The following RAB3IP variants were observed in gnomAD, a reference collection of about 807,000 sequenced individuals.
RAB3IP encodes RAB3A interacting protein, also known as rab-3A-interacting protein.
RAB3IP carries 36 observed loss-of-function variants against 59.1 expected under a neutral mutation model. The ratio of observed to expected loss-of-function variants is 0.61; its 90% CI spans 0.47 to 0.80. The LOEUF (loss-of-function observed/expected upper bound fraction) is 0.80. Ranked by LOEUF, RAB3IP falls within the 30% of genes least tolerant of loss-of-function variation. The probability of loss-of-function intolerance (pLI) is 0.00; values close to 1 mark genes in which losing one functional copy is unlikely to be tolerated. For synonymous variants in RAB3IP, 207 were observed against 191.2 expected, an observed-to-expected ratio of 1.08 and a Z score of -0.68; for missense variants, 511 against 536.0, an observed-to-expected ratio of 0.95 and a Z score of 0.46.
At chr12:69,770,138 T>C (rs775349578) in intron 3 of RAB3IP, among the ~76,000 whole-genome samples, 11 of 152,214 alleles carry the variant, frequency 7.2e-5, no homozygotes, top group Non-Finnish European at 1.5e-4. Flanking sequence ...AAGAACATTA[T>C]AGATTCATTA....
chr12:69,775,193 C>T (rs376725541), intron 3 of RAB3IP, among the ~76,000 whole-genome samples: 3 of 37,666 alleles, frequency 8.0e-5, no homozygotes, highest in Non-Finnish European at 1.0e-4. Flanking sequence ...GGGAGTTCAC[C>T]CATGATTTGG....
intron 1 of RAB3IP, among the ~76,000 whole-genome samples, chr12:69,744,988 T>A (rs997478764): frequency 1.3e-5 from 2 of 152,212 alleles, no homozygotes; most frequent in Non-Finnish European, 2.9e-5. Context: ...ATACAGTATT[T>A]GAATAAATTT....
chr12:69,786,448 A>G (rs1194793035), intron 4 of RAB3IP, among the ~76,000 whole-genome samples: 2 of 152,138 alleles, frequency 1.3e-5, no homozygotes, highest in Non-Finnish European at 2.9e-5. Flanking sequence ...GAGGAGAATA[A>G]ATTTAAGGAT....
chr12:69,748,052 G>T (rs1172532769), intron 1 of RAB3IP, among the ~76,000 whole-genome samples: 1 of 146,040 alleles, frequency 6.8e-6, no homozygotes, highest in African/African-American at 2.5e-5. Flanking sequence ...TATGAAAAAA[G>T]ATAAAAATCA....
chr12:69,815,924 A>G lies in RAB3IP; in HGVS notation c.*478A>G, dbSNP rs530686792. 1 of 152,774 alleles carries G rather than the reference A, an allele frequency of 6.5e-6. No homozygotes were observed. Among genetic ancestry groups the G allele is most frequent in the African/African-American group, 2.4e-5 (1 of 41,580 alleles). The allele number at this position is 152,774 out of a possible 1,614,324, so 9.5% of individuals were successfully genotyped here. A position where few individuals can be genotyped will look rare whatever the true frequency, so the allele number is the denominator to read the frequency against. On this transcript the variant is annotated 3_prime_UTR_variant, in exon 11 of 11. Coordinates refer to ENST00000247833, the MANE Select transcript of RAB3IP (RefSeq NM_022456.5). ...ATCTGTTTTCTATATTGGGTTTCAAAAAAGATTTTATTTGAAGAAATACTT... is the reference window on the plus strand; with the variant it reads ...ATCTGTTTTCTATATTGGGTTTCAAGAAAGATTTTATTTGAAGAAATACTT...
At chr12:69,796,863 A>G (rs1592583693) in intron 6 of RAB3IP, among the ~76,000 whole-genome samples, 1 of 152,344 alleles carries the variant, frequency 6.6e-6, no homozygotes, top group Non-Finnish European at 1.5e-5. Flanking sequence ...ATTTACACTA[A>G]CAAAATTATA....
intron 9 of RAB3IP, 37 bp downstream of exon 9, chr12:69,812,914 T>C (rs1200843683): frequency 6.2e-7 from 1 of 1,605,676 alleles, no homozygotes; most frequent in South Asian, 1.1e-5. Context: ...TAAAGCTTGC[T>C]TTGATATGGG....
upstream of RAB3IP, chr12:69,738,810 C>G (rs1886929126): frequency 6.6e-6 from 1 of 152,084 alleles, no homozygotes; most frequent in African/African-American, 2.4e-5. Context: ...CGCCCTCCCT[C>G]CGTGAGGACC....
Position 69,822,667 on chromosome 12 carries a change from T to A in RAB3IP, c.*7221T>A, listed in dbSNP as rs1485432901. On this transcript the variant is annotated 3_prime_UTR_variant, in exon 11 of 11. Coordinates refer to ENST00000247833, the MANE Select transcript of RAB3IP (RefSeq NM_022456.5). The stretch of plus-strand genomic sequence containing the variant: ...TATTGTATATTTCACAATAAAGGAG[T>A]GGATTTGGAATGTTCTCAACACAAA... 1 of 151,916 alleles carries A rather than the reference T, an allele frequency of 6.6e-6. No individual in the cohort carries two copies. The highest frequency in any genetic ancestry group is 1.5e-5 in the Non-Finnish European group (1 of 67,964). The allele number at this position is 151,916 out of a possible 1,614,324, so 9.4% of individuals were successfully genotyped here.
At chr12:69,806,993 A>G (rs1361742776) in intron 8 of RAB3IP, among the ~76,000 whole-genome samples, 1 of 152,192 alleles carries the variant, frequency 6.6e-6, no homozygotes, top group Admixed American at 6.5e-5. Context: ...AGACAGACAC[A>G]GTAACAATCT....
At position 69,756,683 on chromosome 12, in the gene RAB3IP, A is replaced by AT. The variant is rs1204244552; in HGVS notation, c.510+22dup. ...CAGAGGGTAAGAAAGAAGATATTTT[A>AT]TTCTTCCATATATTATATTAGAAAT... On this transcript the variant is annotated intron_variant, in intron 3 of 10. Transcript: ENST00000247833. The AT allele has an allele frequency of 1.9e-6, 3 of 1,588,558 alleles. No homozygotes were observed. The highest frequency in any genetic ancestry group is 8.6e-7 in the Non-Finnish European group (1 of 1,163,986).
At chr12:69,794,161 T>G (rs1414137431) in intron 4 of RAB3IP, among the ~76,000 whole-genome samples, 1 of 152,204 alleles carries the variant, frequency 6.6e-6, no homozygotes, top group Admixed American at 6.5e-5. Context: ...ATTGTTTGCC[T>G]TCGTCACATT....
At chr12:69,813,891 T>C (rs915121788) in intron 10 of RAB3IP, among the ~76,000 whole-genome samples, 2 of 152,172 alleles carry the variant, frequency 1.3e-5, no homozygotes, top group Admixed American at 1.3e-4. Flanking sequence ...GTCACGCTGA[T>C]AAAAACTTAG....
At position 69,795,163 on chromosome 12, in the gene RAB3IP, T is replaced by C; in HGVS notation, c.707T>C (p.Val236Ala). 1 of 1,613,852 alleles carries C rather than the reference T, an allele frequency of 6.2e-7. No individual in the cohort carries two copies. Among genetic ancestry groups the C allele is most frequent in the Non-Finnish European group, 8.5e-7 (1 of 1,179,784 alleles). Residue 236 changes from valine (V) to alanine (A), a missense_variant, in exon 6 of 11, where the codon GTA becomes GCA. Physicochemically the swap from Val to Ala is moderately conservative, Grantham distance 64 (BLOSUM62 0). Transcript: ENST00000247833. ...QGKIDVLQAE[V>A]AALKTLVLSS... ...AAGATTGATGTACTTCAAGCTGAAG[T>C]AGCTGCATTGAAGACACTTGTATTG...
At chr12:69,745,080 C>T (rs1868275503) in intron 1 of RAB3IP, among the ~76,000 whole-genome samples, 3 of 151,992 alleles carry the variant, frequency 2.0e-5, no homozygotes, top group Admixed American at 2.0e-4. Flanking sequence ...GTATAATGAA[C>T]CTAAAAGTTT....
chr12:69,773,315 C>T (rs1323079679), intron 3 of RAB3IP, among the ~76,000 whole-genome samples: 1 of 149,254 alleles, frequency 6.7e-6, no homozygotes, highest in Non-Finnish European at 1.5e-5. Flanking sequence ...TTTGACTTTC[C>T]TTTATCTGGA....
intron 8 of RAB3IP, among the ~76,000 whole-genome samples, chr12:69,804,937 C>G (rs1480589426): frequency 6.6e-6 from 1 of 152,284 alleles, no homozygotes; most frequent in African/African-American, 2.4e-5. Context: ...CGTGATGCCT[C>G]CAGCTTTGTT....
rs1306260739 is a variant in RAB3IP, at chr12:69,755,493, G to A, written c.85G>A (p.Gly29Arg). ...SPDLLGVYES[G>R]TQEQTTSPSV... ...GGACCTTCTTGGTGTGTATGAATCAGGAACTCAAGAGCAGACTACCTCACC... is the reference window on the plus strand; with the variant it reads ...GGACCTTCTTGGTGTGTATGAATCAAGAACTCAAGAGCAGACTACCTCACC... The change falls in exon 2 of 11, where the codon GGA becomes AGA. Residue 29 changes from glycine to arginine, a missense_variant. Transcript: ENST00000247833. 1 of 1,614,074 alleles carries A rather than the reference G, an allele frequency of 6.2e-7. No individual in the cohort carries two copies. Among genetic ancestry groups the A allele is most frequent in the East Asian group, 2.2e-5 (1 of 44,878 alleles).
chr12:69,810,461 GGCTCAC>G (rs1443331419), intron 8 of RAB3IP, among the ~76,000 whole-genome samples: 2 of 152,184 alleles, frequency 1.3e-5, no homozygotes, highest in African/African-American at 4.8e-5. Flanking sequence ...TCTTCTGTGT[GGCTCAC>G]GCTGGGAGCT....
Sources: gnomAD v4.1 joint callset for allele counts (sites outside exome capture counted in the v4.1 genomes callset) on GRCh38, gnomAD v4.1.1 for gene constraint, MANE v1.5 for transcripts, NCBI Gene and HGNC (gene_info 2026-07-23, HGNC 2026-07-21) for gene names.